PTPRN2: variants seen among roughly 807,000 people sequenced by gnomAD.
The protein encoded by PTPRN2 is receptor-type tyrosine-protein phosphatase N2.
In PTPRN2, 74 loss-of-function variants were observed where a neutral mutation model predicts 118.8. The observed-to-expected ratio is 0.62, with a 90% CI of 0.52 to 0.76. PTPRN2 has a LOEUF of 0.76. PTPRN2 is among the 30% of genes least tolerant of loss of function. PTPRN2 has a pLI of 0.00. For missense variants in PTPRN2, 1,481 were observed against 1,394.4 expected, an observed-to-expected ratio of 1.06 and a Z score of -0.99; for synonymous variants, 641 against 608.0, an observed-to-expected ratio of 1.05 and a Z score of -0.80.
chr7:158,154,157 C>T (rs1821477950), intron 6 of PTPRN2, among the ~76,000 whole-genome samples: 1 of 152,108 alleles, frequency 6.6e-6, no homozygotes, highest in Admixed American at 6.5e-5. Context: ...GGGCAGAAAC[C>T]CTAAAAGATT....
At chr7:157,769,198 C>T (rs1322743001) in intron 12 of PTPRN2, among the ~76,000 whole-genome samples, 7 of 152,178 alleles carry the variant, frequency 4.6e-5, no homozygotes, top group Non-Finnish European at 7.3e-5. Flanking sequence ...GCCCCCCACA[C>T]GCTTTGCCCG....
At chr7:157,753,624 G>A (rs1165436072) in intron 12 of PTPRN2, among the ~76,000 whole-genome samples, 1 of 148,704 alleles carries the variant, frequency 6.7e-6, no homozygotes, top group African/African-American at 2.5e-5. Flanking sequence ...TCTCTACCAC[G>A]TGCCAGGCCC....
rs1563522262 is a variant in PTPRN2 at position 158,151,514 on chromosome 7, T to TGCCTCTCC, written c.911-13000_911-12999insGGAGAGGC. Among the ~76,000 whole-genome samples the TGCCTCTCC allele has an allele frequency of 9.4e-4, 137 of 146,166 alleles. 4 individuals carry two copies. Among genetic ancestry groups the TGCCTCTCC allele is most frequent in the Middle Eastern group, 6.9e-3 (2 of 288 alleles). On this transcript the variant is annotated intron_variant, in intron 6 of 22. Transcript: ENST00000389418. ...CCCACACCGCCCGCCTTTCTGCTCCTCACCGCACGTCCTACTCCAGGCGAT... is the reference window on the plus strand; with the variant it reads ...CCCACACCGCCCGCCTTTCTGCTCCTGCCTCTCCCACCGCACGTCCTACTCCAGGCGAT...
At chr7:157,910,716 G>GTC (rs1229387561) in intron 11 of PTPRN2, among the ~76,000 whole-genome samples, 3 of 151,962 alleles carry the variant, frequency 2.0e-5, no homozygotes, top group Admixed American at 6.6e-5. Flanking sequence ...GTGTGTGTGT[G>GTC]TGTGTGTGCG....
chr7:158,204,320 G>C (rs1015204911), intron 4 of PTPRN2, among the ~76,000 whole-genome samples: 1 of 152,238 alleles, frequency 6.6e-6, no homozygotes. Flanking sequence ...CAGTGTGTGC[G>C]GCGTGCTGGG....
intron 2 of PTPRN2, among the ~76,000 whole-genome samples, chr7:158,343,006 G>A (rs551306913): frequency 5.9e-5 from 9 of 152,144 alleles, no homozygotes; most frequent in African/African-American, 1.9e-4. Context: ...CTGAGATTGC[G>A]CCATTGCACT....
intron 1 of PTPRN2, among the ~76,000 whole-genome samples, chr7:158,524,650 A>G (rs552961289): frequency 1.4e-4 from 21 of 152,268 alleles, no homozygotes; most frequent in African/African-American, 4.6e-4. Context: ...TCCCCAGCCC[A>G]GTGCCTCAGA....
chr7:157,543,877 G>A (rs1798129451), intron 22 of PTPRN2, among the ~76,000 whole-genome samples: 1 of 152,226 alleles, frequency 6.6e-6, no homozygotes, highest in Admixed American at 6.5e-5. Flanking sequence ...CACCGTGAGA[G>A]TTGAGCCCTG....
At chr7:158,380,981 C>T (rs769279315) in intron 2 of PTPRN2, among the ~76,000 whole-genome samples, 2 of 152,250 alleles carry the variant, frequency 1.3e-5, no homozygotes, top group African/African-American at 2.4e-5. Context: ...ACAACTGGAG[C>T]AGCTGGGACG....
intron 9 of PTPRN2, among the ~76,000 whole-genome samples, chr7:158,115,629 T>C (rs553710045): frequency 2.0e-5 from 3 of 151,882 alleles, no homozygotes; most frequent in African/African-American, 7.2e-5. Flanking sequence ...TGTGAGAAAA[T>C]GCCATCTGCA....
Position 157,861,879 on chromosome 7 carries a change from C to A in PTPRN2, c.1788+36794G>T, listed in dbSNP as rs985251942. On this transcript the variant is annotated intron_variant, in intron 12 of 22. Transcript: ENST00000389418. This position sits in a 1 kb window ranked among gnomAD's most constrained non-coding sequence, Gnocchi z 5.8. ...ACTCTGTGTGCCGGAGTCTGTCCTC[C>A]CCATCACAGGGACACTGCTGCTTCG... Among the ~76,000 whole-genome samples, 3 of 151,402 alleles carry A rather than the reference C, an allele frequency of 2.0e-5. No individual in the cohort carries two copies. The highest frequency in any genetic ancestry group is 4.4e-5 in the Non-Finnish European group (3 of 67,880).
chr7:158,428,565 G>A (rs1034743382), intron 2 of PTPRN2, among the ~76,000 whole-genome samples: 4 of 152,128 alleles, frequency 2.6e-5, no homozygotes, highest in African/African-American at 7.2e-5. Flanking sequence ...CTATTCCACC[G>A]GAATTTTCTT....
intron 11 of PTPRN2, among the ~76,000 whole-genome samples, chr7:158,077,406 C>T (rs927753671): frequency 6.6e-6 from 1 of 152,190 alleles, no homozygotes; most frequent in Non-Finnish European, 1.5e-5. Flanking sequence ...GGCGCCTCTC[C>T]AACAGGCTGA....
chr7:158,172,335 C>T (rs1206258208), intron 5 of PTPRN2, among the ~76,000 whole-genome samples: 1 of 152,170 alleles, frequency 6.6e-6, no homozygotes, highest in East Asian at 1.9e-4. Flanking sequence ...GTGCCTTGCT[C>T]AGCACACAAC....
In PTPRN2 at chr7:157,629,012, A is replaced by G. The variant is rs1273940939; in HGVS notation, c.2197-7503T>C. ...AACAAGGACAATTTCTCCGGTGGGA[A>G]GAGCACACCAGCATCCCGTGTGCAT... On this transcript the variant is annotated intron_variant, in intron 14 of 22. Transcript: ENST00000389418. This position sits in a 1 kb window ranked among gnomAD's most constrained non-coding sequence, Gnocchi z 4.4. 6.6e-6 allele frequency among the ~76,000 whole-genome samples: 1 copy of G among 152,218 alleles called. No homozygotes were observed. Among genetic ancestry groups the G allele is most frequent in the Admixed American group, 6.5e-5 (1 of 15,286 alleles).
At chr7:158,352,971 T>A (rs979183093) in intron 2 of PTPRN2, among the ~76,000 whole-genome samples, 1 of 152,232 alleles carries the variant, frequency 6.6e-6, no homozygotes, top group African/African-American at 2.4e-5. Flanking sequence ...CCTGGGCCAA[T>A]AGGCCAGACA....
chr7:158,058,359 C>G, intron 11 of PTPRN2, among the ~76,000 whole-genome samples: 1 of 142,738 alleles, frequency 7.0e-6, no homozygotes, highest in African/African-American at 2.7e-5. Context: ...CATCTGCCCA[C>G]GGTGACACAT....
intron 4 of PTPRN2, among the ~76,000 whole-genome samples, chr7:158,195,882 G>A (rs1212488925): frequency 1.3e-5 from 2 of 152,100 alleles, no homozygotes; most frequent in Non-Finnish European, 2.9e-5. Flanking sequence ...TTGGGTGATG[G>A]ACATTTGCAA....
At chr7:158,412,811 TC>T in intron 2 of PTPRN2, among the ~76,000 whole-genome samples, 1 of 39,496 alleles carries the variant, frequency 2.5e-5, no homozygotes, top group Admixed American at 3.0e-4. Flanking sequence ...AGGGCCCATC[TC>T]AGCACCCTCC....
Sources: gnomAD v4.1 joint callset for allele counts (sites outside exome capture counted in the v4.1 genomes callset) on GRCh38, gnomAD v4.1.1 for gene constraint, Gnocchi (gnomAD v3.1) non-coding constraint, MANE v1.5 for transcripts, NCBI Gene and HGNC (gene_info 2026-07-23, HGNC 2026-07-21) for gene names.